ZMAT4: variants seen among roughly 807,000 people sequenced by gnomAD.
ZMAT4 encodes the protein zinc finger matrin-type protein 4.
Under a neutral mutation model 28.7 loss-of-function variants are expected in ZMAT4, and 17 were observed. That is an observed-to-expected ratio of 0.59 (90% confidence interval 0.41 to 0.89). The LOEUF is 0.89. ZMAT4 is among the 40% of genes least tolerant of loss of function. The probability of loss-of-function intolerance (pLI) is 0.00; values close to 1 mark genes in which losing one functional copy is unlikely to be tolerated. For missense variants in ZMAT4, 240 were observed against 283.8 expected (o/e 0.85, Z 1.11); for synonymous variants, 117 against 109.2 (o/e 1.07, Z -0.44).
intron 5 of ZMAT4, among the ~76,000 whole-genome samples, chr8:40,622,190 C>T (rs1475146728): frequency 1.3e-5 from 2 of 152,160 alleles, no homozygotes; most frequent in Non-Finnish European, 2.9e-5. Context: ...GCTTATGTTT[C>T]ATATGTTTAA....
At chr8:40,645,143 C>G (rs1807243274) in intron 5 of ZMAT4, among the ~76,000 whole-genome samples, 2 of 152,130 alleles carry the variant, frequency 1.3e-5, no homozygotes, top group African/African-American at 4.8e-5. Flanking sequence ...AAAATATTCT[C>G]TCATTAATTG....
Position 40,712,965 on chromosome 8 carries a change from T to A in ZMAT4, c.193-15564A>T, listed in dbSNP as rs1015134668. ...AACACTGGAGGTTGGAACAAAATGATTCTGAATTTCTTCTTCAAGAAAAAT... is the reference window on the plus strand; with the variant it reads ...AACACTGGAGGTTGGAACAAAATGAATCTGAATTTCTTCTTCAAGAAAAAT... On this transcript the variant is annotated intron_variant, in intron 3 of 6. Transcript: ENST00000297737. Among the ~76,000 whole-genome samples the A allele has an allele frequency of 2.6e-5, 4 of 151,988 alleles. No individual in the cohort carries two copies. In the East Asian group the frequency reaches 5.8e-4, roughly 22 times the overall value.
chr8:40,869,811 C>A (rs754115651), intron 1 of ZMAT4, among the ~76,000 whole-genome samples: 3 of 152,200 alleles, frequency 2.0e-5, no homozygotes, highest in Non-Finnish European at 4.4e-5. Context: ...GAGTTCCACA[C>A]ACCTGAGCAC....
At chr8:40,561,688 A>C (rs749282027) in intron 6 of ZMAT4, among the ~76,000 whole-genome samples, 2 of 152,294 alleles carry the variant, frequency 1.3e-5, no homozygotes, top group Non-Finnish European at 2.9e-5. Context: ...TTCAACCCCC[A>C]GCCCACAGGC....
At chr8:40,846,264 T>A (rs919926548) in intron 1 of ZMAT4, among the ~76,000 whole-genome samples, 2 of 152,168 alleles carry the variant, frequency 1.3e-5, no homozygotes, top group African/African-American at 4.8e-5. Flanking sequence ...TGATCCATGA[T>A]CCATTCCACC....
chr8:40,801,351 A>AAAAATATATATATATATAT (rs370796453), intron 2 of ZMAT4, among the ~76,000 whole-genome samples: 2 of 97,254 alleles, frequency 2.1e-5, no homozygotes, highest in African/African-American at 3.7e-5. Flanking sequence ...TAAAAAAAAA[A>AAAAATATATATATATATAT]ATATATATAT....
At chr8:40,596,402 C>T (rs954932499) in intron 5 of ZMAT4, among the ~76,000 whole-genome samples, 8 of 152,342 alleles carry the variant, frequency 5.3e-5, no homozygotes, top group African/African-American at 1.9e-4. Context: ...CAGCTTAAAA[C>T]ACAAATGCAT....
chr8:40,880,261 C>T (rs1167422020), intron 1 of ZMAT4, among the ~76,000 whole-genome samples: 3 of 150,944 alleles, frequency 2.0e-5, no homozygotes, highest in Non-Finnish European at 4.4e-5. Flanking sequence ...CCCAGCTACT[C>T]GGGAGGCTGA....
chr8:40,623,299 C>T (rs1412041044), intron 5 of ZMAT4, among the ~76,000 whole-genome samples: 1 of 152,168 alleles, frequency 6.6e-6, no homozygotes, highest in Non-Finnish European at 1.5e-5. Flanking sequence ...GAATATGGCA[C>T]AGAATGCAGA....
At chr8:40,631,062 A>C (rs1806559347) in intron 5 of ZMAT4, among the ~76,000 whole-genome samples, 1 of 152,152 alleles carries the variant, frequency 6.6e-6, no homozygotes, top group Admixed American at 6.5e-5. Flanking sequence ...CCACATTTCA[A>C]GTGCTCAATA....
At chr8:40,862,389 G>C in intron 1 of ZMAT4, among the ~76,000 whole-genome samples, 1 of 126,866 alleles carries the variant, frequency 7.9e-6, no homozygotes. Context: ...TTGGACACAG[G>C]AAGGGGAATA....
intron 5 of ZMAT4, among the ~76,000 whole-genome samples, chr8:40,625,927 C>T (rs1190654400): frequency 1.3e-5 from 2 of 152,070 alleles, no homozygotes; most frequent in Non-Finnish European, 2.9e-5. Context: ...GCCTGGCCAA[C>T]ATGGAGAAAC....
intron 3 of ZMAT4, among the ~76,000 whole-genome samples, chr8:40,757,262 A>G (rs916162701): frequency 6.6e-6 from 1 of 152,106 alleles, no homozygotes; most frequent in African/African-American, 2.4e-5. Flanking sequence ...AATGACTACA[A>G]ATGTGTGCCA....
At chr8:40,883,617 T>C (rs1563265278) in intron 1 of ZMAT4, among the ~76,000 whole-genome samples, 1 of 152,160 alleles carries the variant, frequency 6.6e-6, no homozygotes, top group Non-Finnish European at 1.5e-5. Flanking sequence ...TTCCTCTCAC[T>C]GCCTCCTCCC....
intron 4 of ZMAT4, 72 bp from the exon 5 acceptor site, chr8:40,675,003 G>T: frequency 3.3e-6 from 4 of 1,227,792 alleles, no homozygotes; most frequent in Non-Finnish European, 3.5e-6. Flanking sequence ...CTCAATACCC[G>T]AAGACCAAAA....
intron 1 of ZMAT4, among the ~76,000 whole-genome samples, chr8:40,895,757 T>G (rs1818846223): frequency 2.0e-5 from 3 of 152,152 alleles, no homozygotes; most frequent in African/African-American, 7.2e-5. Context: ...GAACCCCCAG[T>G]TTTGCAATCC....
intron 3 of ZMAT4, among the ~76,000 whole-genome samples, chr8:40,751,094 A>T (rs112897344): frequency 3.5e-4 from 54 of 152,336 alleles, no homozygotes; most frequent in South Asian, 1.0e-3. Flanking sequence ...CTTCCAGATA[A>T]GAACTTCCTG....
intron 6 of ZMAT4, among the ~76,000 whole-genome samples, chr8:40,562,487 TTA>T (rs1554520748): frequency 4.3e-4 from 1 of 2,306 alleles, no homozygotes; most frequent in Non-Finnish European, 7.2e-3. Flanking sequence ...GGTTCTGCTG[TTA>T]TAATTTGAGT....
At chr8:40,733,388 G>C (rs1811626514) in intron 3 of ZMAT4, among the ~76,000 whole-genome samples, 1 of 152,158 alleles carries the variant, frequency 6.6e-6, no homozygotes, top group African/African-American at 2.4e-5. Context: ...GTCAGAGAGA[G>C]GGTAACTGCA....
Sources: allele counts gnomAD v4.1 joint callset (sites outside exome capture counted in the v4.1 genomes callset), GRCh38; gene constraint gnomAD v4.1.1; transcripts MANE v1.5; gene names NCBI Gene and HGNC (gene_info 2026-07-23, HGNC 2026-07-21).